Variants in SMOC1 observed in about 807,000 individuals in gnomAD.
SMOC1 encodes the protein SPARC related modular calcium binding 1, also known as SPARC-related modular calcium-binding protein 1.
A neutral mutation model predicts 56.3 loss-of-function variants in SMOC1; 22 were observed. The observed-to-expected ratio is 0.39, with a 90% CI of 0.28 to 0.56. SMOC1 has a LOEUF of 0.56. SMOC1 is among the 20% of genes least tolerant of loss of function. The pLI is 0.61. For synonymous variants in SMOC1, 193 were observed against 215.0 expected, an observed-to-expected ratio of 0.90 and a Z score of 0.89; for missense variants, 509 against 565.4, an observed-to-expected ratio of 0.90 and a Z score of 1.01.
Position 69,977,475 on chromosome 14 carries a change from C to T in SMOC1, c.479-443C>T, listed in dbSNP as rs557444782. On this transcript the variant is annotated intron_variant, in intron 4 of 11. Transcript: ENST00000361956. ...AGAATCGCTGATTTCCTGTCCTAAC[C>T]AGCAAGGGATGTCAATCATTGCCTT... Among the ~76,000 whole-genome samples, 619 of 152,338 alleles carry T rather than the reference C, an allele frequency of 4.1e-3. 2 individuals are homozygous for T. The highest frequency in any genetic ancestry group is 0.014 in the African/African-American group (584 of 41,584).
chr14:69,967,135 C>G (rs1323167667), intron 3 of SMOC1, among the ~76,000 whole-genome samples: 2 of 152,214 alleles, frequency 1.3e-5, no homozygotes, highest in African/African-American at 4.8e-5. Context: ...ATCACACCAT[C>G]AACTCATAAA....
At chr14:69,917,927 T>G (rs892710381) in intron 1 of SMOC1, among the ~76,000 whole-genome samples, 1 of 152,092 alleles carries the variant, frequency 6.6e-6, no homozygotes, top group Non-Finnish European at 1.5e-5. Flanking sequence ...GTGTCCTCTT[T>G]GAAAAAAAAT....
chr14:69,989,051 G>A (rs557942206), intron 5 of SMOC1, among the ~76,000 whole-genome samples: 88 of 152,266 alleles, frequency 5.8e-4, no homozygotes, highest in African/African-American at 2.0e-3. Context: ...CTCCTAGATG[G>A]ATTCTAGGAG....
intron 1 of SMOC1, among the ~76,000 whole-genome samples, chr14:69,933,629 A>C (rs1885223989): frequency 6.6e-6 from 1 of 152,128 alleles, no homozygotes; most frequent in Non-Finnish European, 1.5e-5. Context: ...TCCTGGGTTC[A>C]AGCGATTCTC....
At chr14:69,893,139 A>C (rs1884009373) in intron 1 of SMOC1, among the ~76,000 whole-genome samples, 1 of 152,206 alleles carries the variant, frequency 6.6e-6, no homozygotes, top group Non-Finnish European at 1.5e-5. Context: ...ATGATAGTTA[A>C]ATCAATAGGT....
chr14:69,986,544 G>GAA (rs1470785655), intron 5 of SMOC1, among the ~76,000 whole-genome samples: 3 of 152,086 alleles, frequency 2.0e-5, no homozygotes, highest in Non-Finnish European at 2.9e-5. Context: ...ACCATTGGGG[G>GAA]AAACTGGGTG....
chr14:69,882,681 C>T (rs1430704181), intron 1 of SMOC1, among the ~76,000 whole-genome samples: 1 of 152,154 alleles, frequency 6.6e-6, no homozygotes, highest in Non-Finnish European at 1.5e-5. Context: ...CTCTCCCTGG[C>T]TGATGGTGTC....
intron 2 of SMOC1, 125 bp from the exon 3 acceptor site, chr14:69,953,295 T>C: frequency 1.2e-6 from 1 of 833,264 alleles, no homozygotes; most frequent in Non-Finnish European, 2.1e-6. Context: ...CCTTTTAGGG[T>C]TGGACAAGCC....
rs116684499 is a variant in SMOC1, at chr14:69,900,064, A to T, written c.99+20287A>T. On this transcript the variant is annotated intron_variant, in intron 1 of 11. Transcript: ENST00000361956. ...CCATACCCATTTCTATTCACTCCAG[A>T]CACACACAAACAGAGTGTGCTCAGT... Among the ~76,000 whole-genome samples the T allele has an allele frequency of 8.1e-4, 124 of 152,344 alleles. 1 individual carries two copies. The highest frequency in any genetic ancestry group is 2.9e-3 in the African/African-American group (121 of 41,582).
chr14:69,884,061 C>T (rs1236850293), intron 1 of SMOC1, among the ~76,000 whole-genome samples: 2 of 151,270 alleles, frequency 1.3e-5, no homozygotes, highest in East Asian at 1.9e-4. Context: ...CGCCCGCCAC[C>T]GCGCCCGGCT....
chr14:70,004,390 A>C (rs777626153), intron 7 of SMOC1, among the ~76,000 whole-genome samples: 65 of 152,240 alleles, frequency 4.3e-4, no homozygotes, highest in Admixed American at 9.2e-4. Flanking sequence ...TGTGGTCAAC[A>C]TTTACAGTCA....
intron 1 of SMOC1, among the ~76,000 whole-genome samples, chr14:69,947,616 C>T (rs1882835967): frequency 6.6e-6 from 1 of 152,158 alleles, no homozygotes; most frequent in South Asian, 2.1e-4. Flanking sequence ...CCTGGCTCAA[C>T]TGAGAAAAAT....
intron 1 of SMOC1, among the ~76,000 whole-genome samples, chr14:69,935,371 G>A (rs1351407994): frequency 1.3e-5 from 2 of 152,180 alleles, no homozygotes; most frequent in Admixed American, 6.5e-5. Context: ...AGAAGAAATA[G>A]TTTCTTATAC....
At chr14:69,976,699 A>G (rs1883972054) in intron 4 of SMOC1, among the ~76,000 whole-genome samples, 1 of 152,198 alleles carries the variant, frequency 6.6e-6, no homozygotes, top group South Asian at 2.1e-4. Flanking sequence ...AGCTCTCTCA[A>G]AAAAGCCTGT....
chr14:69,987,013 G>C (rs149735911), intron 5 of SMOC1, among the ~76,000 whole-genome samples: 2 of 152,232 alleles, frequency 1.3e-5, no homozygotes, highest in Non-Finnish European at 2.9e-5. Context: ...CCTCCTCTGG[G>C]TCTGATTCAG....
chr14:69,944,006 T>C (rs1367034813), intron 1 of SMOC1, among the ~76,000 whole-genome samples: 1 of 152,226 alleles, frequency 6.6e-6, no homozygotes, highest in Admixed American at 6.5e-5. Flanking sequence ...AGAGGAGTGC[T>C]CTACCACTTA....
chr14:69,954,730 A>C (rs935072857), intron 3 of SMOC1, among the ~76,000 whole-genome samples: 1 of 152,194 alleles, frequency 6.6e-6, no homozygotes, highest in East Asian at 1.9e-4. Context: ...TTCTTTGTCC[A>C]ATCAAACAAC....
At chr14:69,994,018 C>G (rs2139548397) in intron 6 of SMOC1, among the ~76,000 whole-genome samples, 1 of 152,286 alleles carries the variant, frequency 6.6e-6, no homozygotes, top group African/African-American at 2.4e-5. Context: ...AGAATGGTCT[C>G]TGTGGTTTGT....
chr14:69,903,392 G>A (rs368459776), intron 1 of SMOC1, among the ~76,000 whole-genome samples: 33 of 152,168 alleles, frequency 2.2e-4, no homozygotes, highest in East Asian at 1.9e-4. Context: ...CCGCCACCCC[G>A]TCTGGGAGGT....
Sources: gnomAD v4.1 joint callset for allele counts (sites outside exome capture counted in the v4.1 genomes callset) on GRCh38, gnomAD v4.1.1 for gene constraint, MANE v1.5 for transcripts, NCBI Gene and HGNC (gene_info 2026-07-23, HGNC 2026-07-21) for gene names.